WWOX: variants seen among roughly 807,000 people sequenced by gnomAD.
The protein encoded by WWOX is WW domain containing oxidoreductase.
A neutral mutation model predicts 46.2 loss-of-function variants in WWOX; 69 were observed. That is an observed-to-expected ratio of 1.49 (90% CI 1.23 to 1.82). The LOEUF is 1.82. Ranked by LOEUF, WWOX falls within the 40% of genes most tolerant of loss-of-function variation. The pLI is 0.00. For synonymous variants in WWOX, 359 were observed against 202.6 expected, an observed-to-expected ratio of 1.77 and a Z score of -6.56; for missense variants, 919 against 542.6, an observed-to-expected ratio of 1.69 and a Z score of -6.89.
intron 8 of WWOX, among the ~76,000 whole-genome samples, chr16:78,893,236 C>T (rs1023425775): frequency 7.2e-5 from 11 of 151,994 alleles, no homozygotes; most frequent in Admixed American, 7.2e-4. Context: ...CATCTTATGC[C>T]TGAAATAAGG....
chr16:79,115,729 AT>A (rs1224718012), intron 8 of WWOX, among the ~76,000 whole-genome samples: 5 of 152,222 alleles, frequency 3.3e-5, no homozygotes, highest in Non-Finnish European at 7.3e-5. Context: ...AAAAACAGTG[AT>A]AGGACTGACC....
rs750360826 is a variant in WWOX at position 78,866,419 on chromosome 16, G to T, written c.1057-345189G>T. Reference sequence around the variant, plus strand: ...AGCAAGGGAAGAAATCATTGAGACTGATCAAGACATCCCGTGCTATTTTTT... The same window carrying T: ...AGCAAGGGAAGAAATCATTGAGACTTATCAAGACATCCCGTGCTATTTTTT... On this transcript the variant is annotated intron_variant, in intron 8 of 8. Transcript: ENST00000566780. Among the ~76,000 whole-genome samples the T allele has an allele frequency of 1.3e-5, 2 of 148,496 alleles. 1 individual carries two copies. The highest frequency in any genetic ancestry group is 3.0e-5 in the Non-Finnish European group (2 of 67,432).
chr16:78,174,853 C>T (rs1210511615), intron 5 of WWOX, among the ~76,000 whole-genome samples: 8 of 152,048 alleles, frequency 5.3e-5, no homozygotes, highest in East Asian at 3.9e-4. Context: ...CTGGGTGTGG[C>T]GGCATGCGCC....
At chr16:78,187,551 C>T (rs1050852265) in intron 5 of WWOX, among the ~76,000 whole-genome samples, 1 of 152,056 alleles carries the variant, frequency 6.6e-6, no homozygotes, top group Non-Finnish European at 1.5e-5. Context: ...TGCAATGAGC[C>T]GAGATCGCGC....
At chr16:78,766,999 G>A (rs1419269191) in intron 8 of WWOX, among the ~76,000 whole-genome samples, 1 of 152,060 alleles carries the variant, frequency 6.6e-6, no homozygotes, top group Non-Finnish European at 1.5e-5. Context: ...CTATGAAATT[G>A]TTTTCAAGGT....
At chr16:78,941,578 G>C (rs897184558) in intron 8 of WWOX, among the ~76,000 whole-genome samples, 2 of 151,918 alleles carry the variant, frequency 1.3e-5, no homozygotes, top group Non-Finnish European at 2.9e-5. Flanking sequence ...ATTTCAAATG[G>C]CATTATCTTC....
intron 5 of WWOX, among the ~76,000 whole-genome samples, chr16:78,322,189 A>G (rs1268565516): frequency 6.6e-6 from 1 of 152,128 alleles, no homozygotes; most frequent in Non-Finnish European, 1.5e-5. Context: ...AAACAATTCG[A>G]AAGAGCAAAT....
intron 8 of WWOX, among the ~76,000 whole-genome samples, chr16:78,586,955 A>T (rs1033502769): frequency 6.6e-6 from 1 of 152,158 alleles, no homozygotes; most frequent in South Asian, 2.1e-4. Context: ...ATATGCCAAG[A>T]TTCTATAGCA....
At chr16:78,702,548 G>A (rs147545547) in intron 8 of WWOX, among the ~76,000 whole-genome samples, 159 of 150,884 alleles carry the variant, frequency 1.1e-3, no homozygotes, top group African/African-American at 3.5e-3. Flanking sequence ...ATGCTTGCTC[G>A]GGAGGCTGAG....
chr16:78,233,151 G>A lies in WWOX; in HGVS notation c.516+68862G>A, dbSNP rs147911196. 4.1e-3 allele frequency among the ~76,000 whole-genome samples: 620 copies of A among 152,316 alleles called. 2 individuals are homozygous for A. Among genetic ancestry groups the A allele is most frequent in the Non-Finnish European group, 6.1e-3 (416 of 68,030 alleles). On this transcript the variant is annotated intron_variant, in intron 5 of 8. Coordinates refer to ENST00000566780, the MANE Select transcript of WWOX (RefSeq NM_016373.4). Reference sequence around the variant, plus strand: ...TGAAACCAGTTCAGGTTCAAACTCAGACATTGGTGCTATTTTCATATATCT... The same window carrying A: ...TGAAACCAGTTCAGGTTCAAACTCAAACATTGGTGCTATTTTCATATATCT...
intron 8 of WWOX, among the ~76,000 whole-genome samples, chr16:78,953,297 T>C (rs1169215592): frequency 7.0e-6 from 1 of 142,324 alleles, no homozygotes; most frequent in Non-Finnish European, 1.5e-5. Flanking sequence ...GGCACAATTA[T>C]AGTGGGGGGT....
intron 8 of WWOX, among the ~76,000 whole-genome samples, chr16:78,622,080 A>G (rs1292685215): frequency 6.6e-6 from 1 of 152,238 alleles, no homozygotes; most frequent in Non-Finnish European, 1.5e-5. Context: ...TAAGCACACC[A>G]GTATTTTATT....
chr16:78,554,140 A>G (rs986645394), intron 8 of WWOX, among the ~76,000 whole-genome samples: 14 of 152,192 alleles, frequency 9.2e-5, no homozygotes, highest in Non-Finnish European at 1.8e-4. Flanking sequence ...TCTTGCTACC[A>G]TGCAGAAAAG....
Position 78,787,510 on chromosome 16 carries a change from T to C in WWOX, c.1056+354758T>C, listed in dbSNP as rs1263637430. Among the ~76,000 whole-genome samples the C allele has an allele frequency of 3.3e-5, 5 of 152,254 alleles. No homozygotes were observed. The East Asian group carries it at 7.7e-4, about 23-fold the overall frequency. On this transcript the variant is annotated intron_variant, in intron 8 of 8. Transcript: ENST00000566780. ...ATGTATCAGTACTTCATTCTTTTTA[T>C]GGTTGAGTGATATTCTGTTACATGG...
At chr16:78,421,741 C>G (rs1469818512) in intron 6 of WWOX, among the ~76,000 whole-genome samples, 1 of 152,118 alleles carries the variant, frequency 6.6e-6, no homozygotes, top group East Asian at 1.9e-4. Flanking sequence ...GTAAAGCTGG[C>G]TAAAACTTGA....
chr16:79,166,511 C>T (rs1356899081), intron 8 of WWOX, among the ~76,000 whole-genome samples: 4 of 152,112 alleles, frequency 2.6e-5, no homozygotes, highest in African/African-American at 4.8e-5. Flanking sequence ...CCACACCATA[C>T]GGGCAGTAGT....
intron 8 of WWOX, among the ~76,000 whole-genome samples, chr16:79,065,278 G>C (rs1200034122): frequency 6.6e-6 from 1 of 152,172 alleles, no homozygotes; most frequent in Non-Finnish European, 1.5e-5. Flanking sequence ...GAAAGAAAGA[G>C]TTTAATTAAC....
At chr16:78,318,272 A>ATTTTTTTTTTTTTTTTTTTTTT (rs34730954) in intron 5 of WWOX, among the ~76,000 whole-genome samples, 1 of 123,568 alleles carries the variant, frequency 8.1e-6, no homozygotes, top group African/African-American at 3.2e-5. Context: ...TCTGGGAGGA[A>ATTTTTTTTTTTTTTTTTTTTTT]TTTTTTTTTT....
chr16:78,810,516 A>G (rs1351561214), intron 8 of WWOX, among the ~76,000 whole-genome samples: 1 of 152,210 alleles, frequency 6.6e-6, no homozygotes, highest in Non-Finnish European at 1.5e-5. Context: ...TTGGATCCAT[A>G]TTTGCTGTTA....
Sources: allele counts gnomAD v4.1 joint callset (sites outside exome capture counted in the v4.1 genomes callset), GRCh38; gene constraint gnomAD v4.1.1; transcripts MANE v1.5; gene names NCBI Gene and HGNC (gene_info 2026-07-23, HGNC 2026-07-21).